The following FAM110B variants were observed in gnomAD, a reference collection of about 807,000 sequenced individuals.
FAM110B encodes the protein family with sequence similarity 110 member B.
A neutral mutation model predicts 20.4 loss-of-function variants in FAM110B; 6 were observed. That is an observed-to-expected ratio of 0.29 (90% CI 0.16 to 0.58). FAM110B has a LOEUF of 0.58. Ranked by LOEUF, FAM110B falls within the 20% of genes least tolerant of loss-of-function variation. The pLI is 0.90. For synonymous variants in FAM110B, 226 were observed against 214.1 expected, an observed-to-expected ratio of 1.06 and a Z score of -0.49; for missense variants, 434 against 498.2, an observed-to-expected ratio of 0.87 and a Z score of 1.23.
intron 3 of FAM110B, among the ~76,000 whole-genome samples, chr8:58,119,620 TA>T (rs1321110375): frequency 8.5e-5 from 13 of 152,248 alleles, no homozygotes; most frequent in Admixed American, 5.9e-4. Flanking sequence ...AACTTGGTTC[TA>T]ACTGGCAAGG....
chr8:58,101,542 A>G (rs1486487374), intron 3 of FAM110B, among the ~76,000 whole-genome samples: 1 of 152,214 alleles, frequency 6.6e-6, no homozygotes, highest in Non-Finnish European at 1.5e-5. Context: ...ATTCCATTTT[A>G]ACCCAAAAAT....
intron 3 of FAM110B, among the ~76,000 whole-genome samples, chr8:58,078,840 G>T (rs1368980372): frequency 6.6e-6 from 1 of 151,832 alleles, no homozygotes; most frequent in African/African-American, 2.4e-5. Context: ...GTGAGCCACC[G>T]CGCCCGGCCA....
intron 2 of FAM110B, chr8:58,070,528 G>C (rs539852639): frequency 1.3e-5 from 2 of 152,288 alleles, no homozygotes; most frequent in African/African-American, 4.8e-5. Context: ...ACATTCTCCC[G>C]CAGGCTTGCC....
At chr8:58,014,097 T>A (rs879695960) in intron 1 of FAM110B, among the ~76,000 whole-genome samples, 2 of 152,124 alleles carry the variant, frequency 1.3e-5, no homozygotes, top group Non-Finnish European at 2.9e-5. Flanking sequence ...CTGTCAGACC[T>A]AAATTGGCGT....
chr8:58,106,412 G>A (rs938409290), intron 3 of FAM110B: 2 of 152,092 alleles, frequency 1.3e-5, no homozygotes, highest in Admixed American at 1.3e-4. Flanking sequence ...TACAAAAATA[G>A]ATTTAAAAGA....
At chr8:58,116,257 T>C (rs568819407) in intron 3 of FAM110B, among the ~76,000 whole-genome samples, 38 of 152,318 alleles carry the variant, frequency 2.5e-4, no homozygotes, top group African/African-American at 8.9e-4. Context: ...TTGCAGTCTT[T>C]TCCCAACAGA....
chr8:58,069,977 A>G (rs1805853213), intron 2 of FAM110B, among the ~76,000 whole-genome samples: 1 of 152,174 alleles, frequency 6.6e-6, no homozygotes, highest in Non-Finnish European at 1.5e-5. Flanking sequence ...CAGGAAATCG[A>G]GATGATTTTG....
intron 2 of FAM110B, among the ~76,000 whole-genome samples, chr8:58,033,628 A>T (rs1453980861): frequency 6.6e-6 from 1 of 152,238 alleles, no homozygotes; most frequent in Non-Finnish European, 1.5e-5. Context: ...ACTTCTCAAA[A>T]GGAGACATAA....
At chr8:58,104,977 A>AAT (rs36038466) in intron 3 of FAM110B, among the ~76,000 whole-genome samples, 2 of 150,842 alleles carry the variant, frequency 1.3e-5, no homozygotes, top group Non-Finnish European at 2.9e-5. Flanking sequence ...AAAAAAAAAA[A>AAT]GGATTTCTTT....
chr8:58,126,913 A>G (rs1189704513), intron 3 of FAM110B, among the ~76,000 whole-genome samples: 1 of 152,128 alleles, frequency 6.6e-6, no homozygotes, highest in Non-Finnish European at 1.5e-5. Flanking sequence ...TAATCAGTCA[A>G]ATTTATCAGT....
At chr8:58,051,818 T>A (rs1216743589) in intron 2 of FAM110B, among the ~76,000 whole-genome samples, 1 of 152,238 alleles carries the variant, frequency 6.6e-6, no homozygotes, top group Non-Finnish European at 1.5e-5. Flanking sequence ...GATATAAATG[T>A]GTATTTCACA....
At chr8:58,027,016 C>G (rs1161532163) in intron 1 of FAM110B, among the ~76,000 whole-genome samples, 1 of 152,134 alleles carries the variant, frequency 6.6e-6, no homozygotes, top group Non-Finnish European at 1.5e-5. Context: ...CAAGGTGCAA[C>G]AGGGACAAGT....
At chr8:58,074,589 A>G (rs920803855) in intron 2 of FAM110B, among the ~76,000 whole-genome samples, 4 of 152,126 alleles carry the variant, frequency 2.6e-5, no homozygotes, top group Admixed American at 1.3e-4. Flanking sequence ...ACTCCATGAG[A>G]TCAGAGGTTT....
At chr8:58,124,110 T>TG (rs1360270548) in intron 3 of FAM110B, among the ~76,000 whole-genome samples, 1 of 152,194 alleles carries the variant, frequency 6.6e-6, no homozygotes, top group East Asian at 1.9e-4. Flanking sequence ...GGAGACAAAG[T>TG]GGAAGGCTAG....
chr8:58,107,768 A>C (rs1357198779), intron 3 of FAM110B, among the ~76,000 whole-genome samples: 1 of 152,242 alleles, frequency 6.6e-6, no homozygotes, highest in Non-Finnish European at 1.5e-5. Flanking sequence ...TGGTGCCCCC[A>C]GCATGCCCAT....
At chr8:58,028,097 A>G (rs1804887634) in intron 1 of FAM110B, among the ~76,000 whole-genome samples, 2 of 152,292 alleles carry the variant, frequency 1.3e-5, no homozygotes, top group South Asian at 4.1e-4. Context: ...TCATATCCTT[A>G]TAAACACTTT....
chr8:58,145,574 A>G (rs1340861477), intron 3 of FAM110B, among the ~76,000 whole-genome samples: 1 of 152,182 alleles, frequency 6.6e-6, no homozygotes, highest in Non-Finnish European at 1.5e-5. Flanking sequence ...ACGTTCATCA[A>G]GTATTTGCTG....
At chr8:58,019,438 C>G (rs987511098) in intron 1 of FAM110B, among the ~76,000 whole-genome samples, 7 of 150,972 alleles carry the variant, frequency 4.6e-5, no homozygotes, top group Admixed American at 4.6e-4. Flanking sequence ...TTTGCCATTT[C>G]TTGTGTGCTT....
chr8:58,115,698 C>A (rs1807191326), intron 3 of FAM110B, among the ~76,000 whole-genome samples: 1 of 152,152 alleles, frequency 6.6e-6, no homozygotes, highest in Non-Finnish European at 1.5e-5. Context: ...CTAAGAGCAC[C>A]TTGGGACTTT....
Sources: gnomAD v4.1 joint callset for allele counts (sites outside exome capture counted in the v4.1 genomes callset) on GRCh38, gnomAD v4.1.1 for gene constraint, MANE v1.5 for transcripts, NCBI Gene and HGNC (gene_info 2026-07-23, HGNC 2026-07-21) for gene names.